The following KIT variants were observed in gnomAD, a reference collection of about 807,000 sequenced individuals.
KIT encodes KIT proto-oncogene, receptor tyrosine kinase, also known as mast/stem cell growth factor receptor Kit.
In KIT, 16 loss-of-function variants were observed where a neutral mutation model predicts 105.7. The observed-to-expected ratio is 0.15, with a 90% CI of 0.10 to 0.23. KIT has a LOEUF of 0.23. Ranked by LOEUF, KIT falls within the 10% of genes least tolerant of loss-of-function variation. The probability of loss-of-function intolerance (pLI) is 1.00; values close to 1 mark genes in which losing one functional copy is unlikely to be tolerated. For synonymous variants in KIT, 438 were observed against 441.1 expected (o/e 0.99, Z 0.09); for missense variants, 858 against 1,213.8 (o/e 0.71, Z 4.36).
chr4:54,660,081 TTC>T (rs935316373), intron 1 of KIT, among the ~76,000 whole-genome samples: 1 of 152,160 alleles, frequency 6.6e-6, no homozygotes, highest in African/African-American at 2.4e-5. Context: ...TCCTCCAATG[TTC>T]TGAGTGTAGA....
intron 1 of KIT, among the ~76,000 whole-genome samples, chr4:54,690,223 T>G (rs1440614033): frequency 6.6e-6 from 1 of 152,154 alleles, no homozygotes; most frequent in African/African-American, 2.4e-5. Context: ...CAAGTATGGG[T>G]TTGAGTTTCT....
chr4:54,666,154 G>A (rs184813521), intron 1 of KIT, among the ~76,000 whole-genome samples: 1 of 152,276 alleles, frequency 6.6e-6, no homozygotes, highest in Non-Finnish European at 1.5e-5. Context: ...ATAAGGTGAG[G>A]GAAGGTTTAG....
chr4:54,658,108 C>A (rs754515716), intron 1 of KIT, 27 bp downstream of exon 1: 5 of 1,610,336 alleles, frequency 3.1e-6, no homozygotes, highest in African/African-American at 2.7e-5. Flanking sequence ...GGCACCCCGA[C>A]CGTGCGACTA....
rs776836797 is a variant in KIT at position 54,657,997 on chromosome 4, C to A, written c.-18C>A. ...CTGGAACGTGGACCAGAGCTCGGATCCCATCGCAGCTACCGCGATGAGAGG... is the reference window on the plus strand; with the variant it reads ...CTGGAACGTGGACCAGAGCTCGGATACCATCGCAGCTACCGCGATGAGAGG... On this transcript the variant is annotated 5_prime_UTR_variant, in exon 1 of 21. Coordinates refer to ENST00000288135, the MANE Select transcript of KIT (RefSeq NM_000222.3). 5 of 1,612,732 alleles carry A rather than the reference C, an allele frequency of 3.1e-6. No individual in the cohort carries two copies. In the African/African-American group the frequency reaches 6.7e-5, roughly 22 times the overall value.
Position 54,738,569 on chromosome 4 carries a change from G to T in KIT, c.*12G>T. 1 of 1,613,678 alleles carries T rather than the reference G, an allele frequency of 6.2e-7. No individual in the cohort carries two copies. Among genetic ancestry groups the T allele is most frequent in the Non-Finnish European group, 8.5e-7 (1 of 1,179,988 alleles). ...ACGACGATGTCTGAGCAGAATCAGT[G>T]TTTGGGTCACCCCTCCAGGAATGAT... On this transcript the variant is annotated 3_prime_UTR_variant, in exon 21 of 21. Transcript: ENST00000288135.
At chr4:54,713,983 C>T (rs1721312469) in intron 7 of KIT, among the ~76,000 whole-genome samples, 1 of 152,070 alleles carries the variant, frequency 6.6e-6, no homozygotes, top group Non-Finnish European at 1.5e-5. Context: ...TTGAGTAGAA[C>T]TTCTAGTGGA....
intron 14 of KIT, among the ~76,000 whole-genome samples, chr4:54,730,491 A>G (rs894102097): frequency 6.6e-6 from 1 of 152,072 alleles, no homozygotes; most frequent in Admixed American, 6.6e-5. Context: ...TTTTAATCCT[A>G]TAAACTTGAG....
chr4:54,678,355 TCCCTCCC>T, intron 1 of KIT, among the ~76,000 whole-genome samples: 2 of 49,442 alleles, frequency 4.0e-5, no homozygotes, highest in Non-Finnish European at 7.6e-5. Context: ...CTTCCTTCCC[TCCCTCCC>T]TCCCTCCCTC....
At chr4:54,693,472 G>GT (rs1377495807) in intron 1 of KIT, among the ~76,000 whole-genome samples, 1 of 152,094 alleles carries the variant, frequency 6.6e-6, no homozygotes, top group Non-Finnish European at 1.5e-5. Context: ...ATCTGATCTT[G>GT]TTTTTTAACT....
chr4:54,715,126 AAAATCAGCCAAAGCAAT>A (rs1393978647), intron 7 of KIT, among the ~76,000 whole-genome samples: 3 of 152,218 alleles, frequency 2.0e-5, no homozygotes, highest in African/African-American at 7.2e-5. Flanking sequence ...ACAGTATACC[AAAATCAGCCAAAGCAAT>A]AAATCACCCA....
At chr4:54,736,236 GTC>G (rs1418093389) in intron 17 of KIT, among the ~76,000 whole-genome samples, 1 of 152,202 alleles carries the variant, frequency 6.6e-6, no homozygotes, top group African/African-American at 2.4e-5. Context: ...ATGTCTGGCT[GTC>G]TCTGACGTTT....
At chr4:54,724,787 T>C (rs181564728) in intron 8 of KIT, among the ~76,000 whole-genome samples, 1 of 152,064 alleles carries the variant, frequency 6.6e-6, no homozygotes, top group Non-Finnish European at 1.5e-5. Context: ...AAAAATCTCA[T>C]AATGTTTTAA....
In KIT at chr4:54,674,657, T is replaced by C. The variant is rs1255032970; in HGVS notation, c.67+16576T>C. ...CAGAGGTAGCTGCTTTTCAAAATGA[T>C]TTGCTTCCAAAATAAGTTATTAAAA... is the stretch of plus-strand genomic sequence containing the variant. On this transcript the variant is annotated intron_variant, in intron 1 of 20. Coordinates refer to ENST00000288135, the MANE Select transcript of KIT (RefSeq NM_000222.3). 2.0e-5 allele frequency among the ~76,000 whole-genome samples: 3 copies of C among 152,218 alleles called. 1 individual carries two copies. The highest frequency in any genetic ancestry group is 4.8e-5 in the African/African-American group (2 of 41,466).
intron 4 of KIT, 28 bp downstream of exon 4, chr4:54,699,794 G>A (rs1314416444): frequency 6.2e-7 from 1 of 1,613,036 alleles, no homozygotes; most frequent in East Asian, 2.2e-5. Flanking sequence ...TTCTTCTCAT[G>A]TTCTGTCTCT....
chr4:54,701,260 CAAT>C (rs1345989861), intron 4 of KIT, among the ~76,000 whole-genome samples: 1 of 152,170 alleles, frequency 6.6e-6, no homozygotes, highest in African/African-American at 2.4e-5. Flanking sequence ...CACGTGCAAA[CAAT>C]ATGTAATGTG....
chr4:54,677,419 A>G (rs1718559504), intron 1 of KIT, among the ~76,000 whole-genome samples: 1 of 152,208 alleles, frequency 6.6e-6, no homozygotes, highest in Admixed American at 6.5e-5. Context: ...CTTGAGTATC[A>G]GTATTTCAGG....
intron 1 of KIT, among the ~76,000 whole-genome samples, chr4:54,679,631 A>G (rs1718760880): frequency 6.6e-6 from 1 of 152,220 alleles, no homozygotes; most frequent in African/African-American, 2.4e-5. Flanking sequence ...TTTACCCATT[A>G]TAATGAAAAT....
At position 54,709,497 on chromosome 4, in the gene KIT, T is replaced by A; in HGVS notation, c.1189T>A (p.Ser397Thr). Residue 397 changes from serine to threonine, a missense_variant, in exon 7 of 21, where the codon TCT (serine) becomes ACT (threonine). By Grantham distance (58) the Ser-to-Thr change is moderately conservative (BLOSUM62 1). Transcript: ENST00000288135. ...GGTYTFLVSN[S>T]DVNAAIAFNV... is the part of the protein sequence containing the mutation. ...CACTTACACATTCCTAGTGTCCAAT[T>A]CTGACGTCAATGCTGCCATAGCATT... is the stretch of plus-strand genomic sequence containing the variant. 1 of 1,613,384 alleles carries A rather than the reference T, an allele frequency of 6.2e-7. No homozygotes were observed. Among genetic ancestry groups the A allele is most frequent in the Non-Finnish European group, 8.5e-7 (1 of 1,179,298 alleles).
At position 54,699,729 on chromosome 4, in the gene KIT, G is replaced by C; in HGVS notation, c.719G>C (p.Ser240Thr). 1 of 1,614,020 alleles carries C rather than the reference G, an allele frequency of 6.2e-7. No homozygotes were observed. The highest frequency in any genetic ancestry group is 1.1e-5 in the South Asian group (1 of 91,080). The stretch of plus-strand genomic sequence containing the variant: ...ACGTGCACAATAAAAGATGTGTCTA[G>C]TTCTGTGTACTCAACGTGGAAAAGA... Reference protein sequence around the residue: ...TVTCTIKDVSSSVYSTWKREN... With the variant: ...TVTCTIKDVSTSVYSTWKREN... The change falls in exon 4 of 21, where the codon AGT becomes ACT. Residue 240 changes from serine to threonine, a missense_variant. This residue lies in a region of KIT where 401 missense variants were observed against 601.0 expected (regional missense o/e 0.67). Transcript: ENST00000288135.
Sources: allele counts gnomAD v4.1 joint callset (sites outside exome capture counted in the v4.1 genomes callset), GRCh38; gene constraint gnomAD v4.1.1; regional missense constraint gnomAD v4.1.1; transcripts MANE v1.5; gene names NCBI Gene and HGNC (gene_info 2026-07-23, HGNC 2026-07-21).